The following ADAMTS20 variants were observed in gnomAD, a reference collection of about 807,000 sequenced individuals.
The protein encoded by ADAMTS20 is A disintegrin and metalloproteinase with thrombospondin motifs 20.
ADAMTS20 carries 225 observed loss-of-function variants against 260.1 expected under a neutral mutation model. The observed-to-expected ratio is 0.87, with a 90% CI of 0.78 to 0.97. ADAMTS20 has a LOEUF of 0.97. Ranked by LOEUF, ADAMTS20 falls within the 50% of genes least tolerant of loss-of-function variation. The pLI, the probability that ADAMTS20 is intolerant of heterozygous loss-of-function variation, is 0.00. For missense variants in ADAMTS20, 2,400 were observed against 2,337.7 expected (o/e 1.03, Z -0.55); for synonymous variants, 802 against 769.5 (o/e 1.04, Z -0.70).
chr12:43,369,022 C>A (rs572472517), intron 37 of ADAMTS20, among the ~76,000 whole-genome samples: 1 of 151,902 alleles, frequency 6.6e-6, no homozygotes, highest in African/African-American at 2.4e-5. Flanking sequence ...ATGGACTAAA[C>A]GGAAAGATGA....
chr12:43,367,972 C>T (rs1940023984), intron 37 of ADAMTS20, among the ~76,000 whole-genome samples: 1 of 151,982 alleles, frequency 6.6e-6, no homozygotes, highest in Admixed American at 6.6e-5. Flanking sequence ...CCTATTAATG[C>T]CTCTGGAGGA....
chr12:43,499,844 T>G (rs1472162808), intron 4 of ADAMTS20, among the ~76,000 whole-genome samples: 2 of 152,092 alleles, frequency 1.3e-5, no homozygotes, highest in Admixed American at 6.6e-5. Flanking sequence ...AAAACCTTTC[T>G]GAGGGTGGTG....
chr12:43,369,851 G>A (rs559961640), intron 36 of ADAMTS20, among the ~76,000 whole-genome samples: 6 of 151,720 alleles, frequency 4.0e-5, no homozygotes, highest in African/African-American at 1.2e-4. Flanking sequence ...TCTTTTTTTC[G>A]TGTCTTATTG....
chr12:43,372,378 C>G (rs886962427), intron 36 of ADAMTS20, among the ~76,000 whole-genome samples: 3 of 152,108 alleles, frequency 2.0e-5, no homozygotes, highest in Non-Finnish European at 4.4e-5. Context: ...GAAAACAAGA[C>G]TTTATCATTG....
At chr12:43,357,144 TC>T (rs1246413211) in intron 37 of ADAMTS20, among the ~76,000 whole-genome samples, 2 of 152,202 alleles carry the variant, frequency 1.3e-5, no homozygotes, top group African/African-American at 2.4e-5. Flanking sequence ...CTTCAGACTA[TC>T]TTTGTTAACA....
At chr12:43,377,929 A>T (rs538717699) in intron 31 of ADAMTS20, among the ~76,000 whole-genome samples, 1 of 152,214 alleles carries the variant, frequency 6.6e-6, no homozygotes, top group African/African-American at 2.4e-5. Flanking sequence ...GGCATCTATT[A>T]GCCTTAGATC....
chr12:43,444,484 G>A (rs1941724831), intron 15 of ADAMTS20, among the ~76,000 whole-genome samples: 1 of 152,142 alleles, frequency 6.6e-6, no homozygotes, highest in East Asian at 1.9e-4. Flanking sequence ...TAATAAACTT[G>A]TTATGAGAAA....
chr12:43,503,928 T>C (rs539272153), intron 3 of ADAMTS20, among the ~76,000 whole-genome samples: 1 of 152,324 alleles, frequency 6.6e-6, no homozygotes, highest in South Asian at 2.1e-4. Flanking sequence ...TTCCATAGTA[T>C]ATATGTACCA....
At chr12:43,368,886 A>G (rs1342514487) in intron 37 of ADAMTS20, among the ~76,000 whole-genome samples, 1 of 152,134 alleles carries the variant, frequency 6.6e-6, no homozygotes, top group East Asian at 1.9e-4. Context: ...TTTATTGATA[A>G]CAGACTGTCA....
intron 7 of ADAMTS20, among the ~76,000 whole-genome samples, chr12:43,471,150 A>G (rs920075045): frequency 6.6e-6 from 1 of 152,174 alleles, no homozygotes; most frequent in African/African-American, 2.4e-5. Context: ...GAGCCGAAGC[A>G]GGGCGAGGCA....
At chr12:43,421,976 G>A (rs756224266) in intron 28 of ADAMTS20, among the ~76,000 whole-genome samples, 2 of 151,740 alleles carry the variant, frequency 1.3e-5, no homozygotes, top group South Asian at 2.1e-4. Context: ...TCAGTGACTC[G>A]GAACATTTTA....
At chr12:43,431,561 T>G in intron 21 of ADAMTS20, 65 bp from the exon 22 acceptor site, 1 of 1,551,940 alleles carries the variant, frequency 6.4e-7, no homozygotes, top group Non-Finnish European at 8.9e-7. Flanking sequence ...CTTAAACTGA[T>G]GCAATGATCA....
intron 32 of ADAMTS20, 106 bp from the exon 33 acceptor site, chr12:43,376,759 TCAGTA>T: frequency 1.5e-6 from 2 of 1,328,712 alleles, no homozygotes; most frequent in Non-Finnish European, 2.0e-6. Flanking sequence ...ACACTGAGGG[TCAGTA>T]GTGGCTAGAT....
chr12:43,436,169 T>C lies in ADAMTS20; in HGVS notation c.2594-1798A>G, dbSNP rs545980244. On this transcript the variant is annotated intron_variant, in intron 18 of 38. Coordinates refer to ENST00000389420, the MANE Select transcript of ADAMTS20 (RefSeq NM_025003.5). The stretch of plus-strand genomic sequence containing the variant: ...ATAACTATTTAACAGAGCCAAGGAA[T>C]TGGAACCTAAGCCTGCAAAGTGGGA... 5.3e-5 allele frequency among the ~76,000 whole-genome samples: 8 copies of C among 152,244 alleles called. No homozygotes were observed. The South Asian group carries it at 1.7e-3, about 32-fold the overall frequency.
rs373002598 is a variant in ADAMTS20, at chr12:43,365,544, C to T, written c.5538+3746G>A. Among the ~76,000 whole-genome samples, 6 of 151,814 alleles carry T rather than the reference C, an allele frequency of 4.0e-5. No individual in the cohort carries two copies. In the East Asian group the frequency reaches 7.7e-4, roughly 20 times the overall value. ...TTTAGAGTTAGGAAATGACACAAGA[C>T]GATAAGTCAAATCCACAGGAAGAAA... On this transcript the variant is annotated intron_variant, in intron 37 of 38. Coordinates refer to ENST00000389420, the MANE Select transcript of ADAMTS20 (RefSeq NM_025003.5).
At chr12:43,423,852 G>A in intron 28 of ADAMTS20, 1 of 719,822 alleles carries the variant, frequency 1.4e-6, no homozygotes, top group Non-Finnish European at 2.5e-6. Flanking sequence ...TGCTTTCCAT[G>A]GCAAAATATG....
chr12:43,524,804 C>A (rs540535535), intron 3 of ADAMTS20, among the ~76,000 whole-genome samples: 9 of 152,030 alleles, frequency 5.9e-5, no homozygotes, highest in African/African-American at 2.2e-4. Context: ...TCTAATCAGA[C>A]AAAAATGAAG....
chr12:43,383,769 G>A (rs1225335922), intron 30 of ADAMTS20, 35 bp downstream of exon 30: 1 of 1,613,462 alleles, frequency 6.2e-7, no homozygotes, highest in Non-Finnish European at 8.5e-7. Context: ...ATTCTTATAT[G>A]CAGTGTCTTT....
At chr12:43,417,008 G>C (rs1417633286) in intron 28 of ADAMTS20, among the ~76,000 whole-genome samples, 1 of 151,982 alleles carries the variant, frequency 6.6e-6, no homozygotes, top group Non-Finnish European at 1.5e-5. Context: ...TCCTTTTCTG[G>C]CTTGTTATAG....
Sources: allele counts gnomAD v4.1 joint callset (sites outside exome capture counted in the v4.1 genomes callset), GRCh38; gene constraint gnomAD v4.1.1; transcripts MANE v1.5; gene names NCBI Gene and HGNC (gene_info 2026-07-23, HGNC 2026-07-21).